SLC31A1: variants seen among roughly 807,000 people sequenced by gnomAD.
SLC31A1 encodes high affinity copper uptake protein 1.
Under a neutral mutation model 17.2 loss-of-function variants are expected in SLC31A1, and 5 were observed. The ratio of observed to expected loss-of-function variants is 0.29; its 90% CI spans 0.15 to 0.61. The LOEUF is 0.61. Among genes scored for constraint, SLC31A1 ranks in the 20% least tolerant of loss-of-function variants. SLC31A1 has a pLI of 0.86. For missense variants in SLC31A1, 161 were observed against 241.4 expected, an observed-to-expected ratio of 0.67 and a Z score of 2.21; for synonymous variants, 76 against 78.8, an observed-to-expected ratio of 0.96 and a Z score of 0.19.
At chr9:113,230,647 C>A (rs1045718690) in intron 1 of SLC31A1, among the ~76,000 whole-genome samples, 2 of 152,198 alleles carry the variant, frequency 1.3e-5, no homozygotes, top group African/African-American at 4.8e-5. Flanking sequence ...GCATAATGAT[C>A]AAACGATGGT....
intron 1 of SLC31A1, among the ~76,000 whole-genome samples, chr9:113,241,751 A>G (rs1035960216): frequency 9.2e-5 from 14 of 152,216 alleles, no homozygotes; most frequent in African/African-American, 3.4e-4. Flanking sequence ...CTCATTAAGC[A>G]TCTGCAGTTG....
chr9:113,226,284 A>T (rs1287139780), intron 1 of SLC31A1, among the ~76,000 whole-genome samples: 1 of 152,002 alleles, frequency 6.6e-6, no homozygotes, highest in Non-Finnish European at 1.5e-5. Context: ...GGGAAAAGGG[A>T]GGGAAGGGGT....
intron 1 of SLC31A1, among the ~76,000 whole-genome samples, chr9:113,244,011 C>T (rs1831550790): frequency 6.6e-6 from 1 of 151,828 alleles, no homozygotes; most frequent in Non-Finnish European, 1.5e-5. Context: ...AAAAATTAGC[C>T]AGGCGTGGTG....
At chr9:113,254,621 G>A (rs1353473811) in intron 1 of SLC31A1, among the ~76,000 whole-genome samples, 3 of 151,982 alleles carry the variant, frequency 2.0e-5, no homozygotes, top group African/African-American at 7.3e-5. Context: ...TTCCTGGGCC[G>A]GGCACGGTAG....
chr9:113,229,756 G>A (rs1195205517), intron 1 of SLC31A1, among the ~76,000 whole-genome samples: 3 of 152,064 alleles, frequency 2.0e-5, no homozygotes, highest in African/African-American at 7.2e-5. Flanking sequence ...ATGATTAGTG[G>A]AAAAGAAAAA....
intron 1 of SLC31A1, among the ~76,000 whole-genome samples, chr9:113,222,350 T>C (rs1831289859): frequency 6.6e-6 from 1 of 152,196 alleles, no homozygotes; most frequent in African/African-American, 2.4e-5. Context: ...CCCTGGGTCT[T>C]CCTGCGACAG....
rs190248032 is a variant in SLC31A1, at chr9:113,254,872, C to T, written c.-35-1242C>T. On this transcript the variant is annotated intron_variant, in intron 1 of 4. Transcript: ENST00000374212. ...CGAGATCACACCACTGCACTCCAGCCTGGGCAACCATGCAAAACTCTGTCT... is the reference window on the plus strand; with the variant it reads ...CGAGATCACACCACTGCACTCCAGCTTGGGCAACCATGCAAAACTCTGTCT... Among the ~76,000 whole-genome samples the T allele has an allele frequency of 4.6e-5, 7 of 152,266 alleles. No individual in the cohort carries two copies. The East Asian group carries it at 1.3e-3, about 29-fold the overall frequency.
At chr9:113,260,181 G>T (rs1425910078) in intron 4 of SLC31A1, 91 bp from the exon 5 acceptor site, 5 of 1,118,272 alleles carry the variant, frequency 4.5e-6, no homozygotes, top group Non-Finnish European at 5.5e-6. Flanking sequence ...TCCAGTTCCA[G>T]CTGAGCTCAT....
intron 1 of SLC31A1, among the ~76,000 whole-genome samples, chr9:113,234,274 C>T (rs1042352289): frequency 4.6e-5 from 7 of 151,684 alleles, no homozygotes; most frequent in Non-Finnish European, 1.0e-4. Context: ...GATCTTGGCT[C>T]ACTGCAACCT....
chr9:113,236,312 A>G (rs1282721761), intron 1 of SLC31A1, among the ~76,000 whole-genome samples: 1 of 151,852 alleles, frequency 6.6e-6, no homozygotes, highest in Non-Finnish European at 1.5e-5. Flanking sequence ...GCATTTCGAC[A>G]AGTCAAGTGT....
At chr9:113,259,562 T>G in intron 4 of SLC31A1, among the ~76,000 whole-genome samples, 1 of 147,718 alleles carries the variant, frequency 6.8e-6, no homozygotes, top group Non-Finnish European at 1.5e-5. Context: ...CTCAATTCTA[T>G]TTTTTTTTCT....
chr9:113,230,870 A>G (rs886721592), intron 1 of SLC31A1, among the ~76,000 whole-genome samples: 3 of 151,800 alleles, frequency 2.0e-5, no homozygotes, highest in African/African-American at 7.3e-5. Context: ...TTTTCTCCCC[A>G]TCTCACCTCC....
chr9:113,227,374 T>A (rs1831352663), intron 1 of SLC31A1: 1 of 152,158 alleles, frequency 6.6e-6, no homozygotes, highest in Admixed American at 6.6e-5. Flanking sequence ...CATCTCAGCC[T>A]TTCGAGTAGC....
chr9:113,260,195 A>C (rs1226465647), intron 4 of SLC31A1, 77 bp from the exon 5 acceptor site: 9 of 1,302,020 alleles, frequency 6.9e-6, no homozygotes, highest in Non-Finnish European at 8.9e-6. Context: ...AGCTCATGGC[A>C]AGAACTCTTC....
chr9:113,244,155 C>CAA (rs1200835310), intron 1 of SLC31A1, among the ~76,000 whole-genome samples: 3,673 of 40,170 alleles, frequency 0.091, 246 homozygotes, highest in East Asian at 0.2. Context: ...AACTCCATCT[C>CAA]AAAAAAAAAA....
At chr9:113,241,409 T>G (rs985711379) in intron 1 of SLC31A1, among the ~76,000 whole-genome samples, 3 of 152,198 alleles carry the variant, frequency 2.0e-5, no homozygotes, top group African/African-American at 4.8e-5. Flanking sequence ...TGGGGCATCT[T>G]CTGTATTTGG....
At chr9:113,256,993 C>T (rs1831736033) in intron 2 of SLC31A1, 120 bp from the exon 3 acceptor site, 1 of 837,888 alleles carries the variant, frequency 1.2e-6, no homozygotes, top group Non-Finnish European at 2.1e-6. Context: ...GCCTCCCACT[C>T]ACGTGAATGT....
rs946204666 is a variant in SLC31A1 at position 113,264,101 on chromosome 9, G to A, written c.*3628G>A. 2.0e-5 allele frequency: 3 copies of A among 152,260 alleles called. No homozygotes were observed. Among genetic ancestry groups the A allele is most frequent in the Non-Finnish European group, 4.4e-5 (3 of 68,116 alleles). 9.4% of individuals were successfully genotyped at this position (152,260 alleles called of 1,614,324 possible). Reference sequence around the variant, plus strand: ...CAAGCGGGGGTGCAGATCACCTGAGGTCAGGAGTTTGAGACCAGCCTGGCC... The same window carrying A: ...CAAGCGGGGGTGCAGATCACCTGAGATCAGGAGTTTGAGACCAGCCTGGCC... On this transcript the variant is annotated 3_prime_UTR_variant, in exon 5 of 5. Transcript: ENST00000374212.
intron 1 of SLC31A1, among the ~76,000 whole-genome samples, chr9:113,252,747 C>T (rs1463781674): frequency 6.6e-6 from 1 of 152,142 alleles, no homozygotes; most frequent in Non-Finnish European, 1.5e-5. Flanking sequence ...TAAGAAGGCA[C>T]TCTTGCAAAT....
Sources: allele counts gnomAD v4.1 joint callset (sites outside exome capture counted in the v4.1 genomes callset), GRCh38; gene constraint gnomAD v4.1.1; transcripts MANE v1.5; gene names NCBI Gene and HGNC (gene_info 2026-07-23, HGNC 2026-07-21).